Variants in CCDC169 observed in about 807,000 individuals in gnomAD.
The protein encoded by CCDC169 is coiled-coil domain containing 169, also known as coiled-coil domain-containing protein 169.
In CCDC169, 30 loss-of-function variants were observed where a neutral mutation model predicts 36.0. The observed-to-expected ratio is 0.83, with a 90% CI of 0.62 to 1.13. The LOEUF (loss-of-function observed/expected upper bound fraction) is 1.13, where lower values mean the gene tolerates loss of function less well. CCDC169 is among the 50% of genes most tolerant of loss of function. The pLI is 0.00. For missense variants in CCDC169, 245 were observed against 245.9 expected, an observed-to-expected ratio of 1.00 and a Z score of 0.03; for synonymous variants, 85 against 81.5, an observed-to-expected ratio of 1.04 and a Z score of -0.23.
chr13:36,241,876 AC>A (rs1449542058), intron 7 of CCDC169, among the ~76,000 whole-genome samples: 9 of 152,150 alleles, frequency 5.9e-5, no homozygotes, highest in African/African-American at 2.2e-4. Context: ...TGGGGGAGTG[AC>A]CCAGTGGGAG....
At chr13:36,275,110 G>A (rs971344291) in intron 4 of CCDC169, among the ~76,000 whole-genome samples, 2 of 151,846 alleles carry the variant, frequency 1.3e-5, no homozygotes, top group South Asian at 2.1e-4. Context: ...CTCGTGATCC[G>A]CCCGCCTCGG....
At chr13:36,271,526 A>C (rs891051365) in intron 4 of CCDC169, among the ~76,000 whole-genome samples, 3 of 152,172 alleles carry the variant, frequency 2.0e-5, no homozygotes, top group Admixed American at 2.0e-4. Flanking sequence ...TCAGCTAACA[A>C]GTAGATAAAG....
intron 6 of CCDC169, among the ~76,000 whole-genome samples, chr13:36,251,302 C>T (rs1873124781): frequency 6.6e-6 from 1 of 152,140 alleles, no homozygotes; most frequent in Admixed American, 6.5e-5. Flanking sequence ...TTAACCTTTC[C>T]AATCACCGTA....
At chr13:36,263,642 A>T (rs190992517) in intron 4 of CCDC169, among the ~76,000 whole-genome samples, 19 of 152,314 alleles carry the variant, frequency 1.2e-4, no homozygotes, top group Middle Eastern at 3.4e-3. Flanking sequence ...TCCTCACTAT[A>T]TATGTTTGAC....
At chr13:36,284,109 A>C (rs996050245) in intron 2 of CCDC169, among the ~76,000 whole-genome samples, 2 of 151,898 alleles carry the variant, frequency 1.3e-5, no homozygotes, top group African/African-American at 4.8e-5. Context: ...ATACATATCC[A>C]TAAATATATA....
At chr13:36,235,834 T>C (rs1871003884) in intron 7 of CCDC169, among the ~76,000 whole-genome samples, 1 of 144,684 alleles carries the variant, frequency 6.9e-6, no homozygotes, top group Non-Finnish European at 1.6e-5. Flanking sequence ...TATGCAAAAA[T>C]CAACTGTATT....
At chr13:36,278,258 G>A (rs960772240) in intron 4 of CCDC169, among the ~76,000 whole-genome samples, 8 of 152,176 alleles carry the variant, frequency 5.3e-5, no homozygotes, top group African/African-American at 1.7e-4. Flanking sequence ...AACCCTGCAT[G>A]AGAGTTTAAT....
chr13:36,280,548 A>T (rs1013923356), intron 4 of CCDC169: 7 of 152,216 alleles, frequency 4.6e-5, no homozygotes, highest in African/African-American at 1.7e-4. Flanking sequence ...TTAGCATAGG[A>T]TTCAAAACTG....
intron 2 of CCDC169, among the ~76,000 whole-genome samples, chr13:36,285,614 G>GATAGATAGATACATAC (rs568184993): frequency 2.9e-5 from 4 of 138,180 alleles, no homozygotes; most frequent in East Asian, 4.2e-4. Context: ...TAGATAGATA[G>GATAGATAGATACATAC]ATAGATACAT....
At chr13:36,267,119 T>A (rs1220726404) in intron 4 of CCDC169, 1 of 152,204 alleles carries the variant, frequency 6.6e-6, no homozygotes, top group Non-Finnish European at 1.5e-5. Flanking sequence ...AGCAAAAGCA[T>A]CCTAGGCTGT....
chr13:36,283,371 C>G, intron 4 of CCDC169, 98 bp downstream of exon 4: 3 of 1,138,594 alleles, frequency 2.6e-6, no homozygotes, highest in Non-Finnish European at 3.7e-6. Context: ...TTATTTGGAC[C>G]TTGCGCTAGT....
At chr13:36,225,444 A>G (rs2138358880), downstream of CCDC169, 1 of 152,736 alleles carries the variant, frequency 6.5e-6, no homozygotes, top group South Asian at 2.1e-4. Flanking sequence ...GGCTCAAGCA[A>G]TCCTCATGCC....
chr13:36,282,144 CCTAAACA>C (rs1030944550), intron 4 of CCDC169, among the ~76,000 whole-genome samples: 1 of 151,994 alleles, frequency 6.6e-6, no homozygotes, highest in African/African-American at 2.4e-5. Context: ...ACAGATTACT[CCTAAACA>C]CTAAACAATC....
At chr13:36,268,596 T>C (rs1256842175) in intron 4 of CCDC169, among the ~76,000 whole-genome samples, 2 of 151,552 alleles carry the variant, frequency 1.3e-5, no homozygotes, top group Non-Finnish European at 2.9e-5. Flanking sequence ...AACCCAAAGC[T>C]ACAAGAAGAA....
intron 6 of CCDC169, 59 bp downstream of exon 6, chr13:36,253,744 G>T: frequency 6.6e-7 from 1 of 1,514,126 alleles, no homozygotes; most frequent in South Asian, 1.3e-5. Flanking sequence ...CTAGAAAAGT[G>T]AAAAACATAA....
intron 2 of CCDC169, among the ~76,000 whole-genome samples, chr13:36,284,570 C>T (rs1450809403): frequency 6.6e-6 from 1 of 152,180 alleles, no homozygotes; most frequent in Non-Finnish European, 1.5e-5. Flanking sequence ...AAGCAGTTTT[C>T]TTTCACTAAA....
intron 4 of CCDC169, among the ~76,000 whole-genome samples, chr13:36,262,734 G>A (rs990856681): frequency 1.3e-5 from 2 of 152,150 alleles, no homozygotes; most frequent in Non-Finnish European, 2.9e-5. Flanking sequence ...GCATAAAAGG[G>A]CCATCTAACT....
At chr13:36,283,214 G>C in intron 4 of CCDC169, 1 of 462,886 alleles carries the variant, frequency 2.2e-6, no homozygotes, top group Non-Finnish European at 3.8e-6. Context: ...ATCTTTCTCT[G>C]AAGGTTGGCG....
At chr13:36,248,453 C>T (rs1829038956) in intron 7 of CCDC169, 153 bp downstream of exon 7, 1 of 620,494 alleles carries the variant, frequency 1.6e-6, no homozygotes, top group East Asian at 2.9e-5. Flanking sequence ...GAACAGATCA[C>T]AACTTCTTTA....
Sources: allele counts gnomAD v4.1 joint callset (sites outside exome capture counted in the v4.1 genomes callset), GRCh38; gene constraint gnomAD v4.1.1; transcripts MANE v1.5; gene names NCBI Gene and HGNC (gene_info 2026-07-23, HGNC 2026-07-21).